CSMD1: variants seen among roughly 807,000 people sequenced by gnomAD.
CSMD1 encodes the protein CUB and Sushi multiple domains 1.
Under a neutral mutation model 417.5 loss-of-function variants are expected in CSMD1, and 213 were observed. That is an observed-to-expected ratio of 0.51 (90% CI 0.46 to 0.57). CSMD1 has a LOEUF of 0.57. Ranked by LOEUF, CSMD1 falls within the 20% of genes least tolerant of loss-of-function variation. CSMD1 has a pLI of 0.00. For missense variants in CSMD1, 6,923 were observed against 4,529.7 expected, an observed-to-expected ratio of 1.53 and a Z score of -15.17; for synonymous variants, 2,862 against 1,736.8, an observed-to-expected ratio of 1.65 and a Z score of -16.11.
intron 11 of CSMD1, among the ~76,000 whole-genome samples, chr8:3,481,512 C>G (rs764527373): frequency 1.3e-5 from 2 of 152,164 alleles, no homozygotes; most frequent in African/African-American, 2.4e-5. Flanking sequence ...TGGCCTCACT[C>G]CTGTCCAATC....
At chr8:4,248,807 G>C (rs1241853158) in intron 3 of CSMD1, among the ~76,000 whole-genome samples, 1 of 151,908 alleles carries the variant, frequency 6.6e-6, no homozygotes, top group Non-Finnish European at 1.5e-5. Flanking sequence ...AAAAATCTTT[G>C]CCTAATTTGG....
At chr8:3,029,024 T>C (rs2128976262) in intron 51 of CSMD1, among the ~76,000 whole-genome samples, 1 of 152,322 alleles carries the variant, frequency 6.6e-6, no homozygotes, top group African/African-American at 2.4e-5. Context: ...GTAAGAGTTA[T>C]CTTTTTACAC....
intron 2 of CSMD1, among the ~76,000 whole-genome samples, chr8:4,424,860 T>A (rs536057958): frequency 6.6e-6 from 1 of 152,226 alleles, no homozygotes; most frequent in East Asian, 1.9e-4. Context: ...ACAGAAACTC[T>A]TTGTATAATT....
At chr8:4,286,726 A>G (rs1245292470) in intron 3 of CSMD1, among the ~76,000 whole-genome samples, 2 of 152,196 alleles carry the variant, frequency 1.3e-5, no homozygotes, top group African/African-American at 2.4e-5. Flanking sequence ...CTCACACGGT[A>G]GACTCCCCAG....
intron 3 of CSMD1, among the ~76,000 whole-genome samples, chr8:4,343,102 G>A (rs1253113279): frequency 6.6e-6 from 1 of 152,042 alleles, no homozygotes; most frequent in Non-Finnish European, 1.5e-5. Context: ...CAAGGGATAT[G>A]GGGTATTTTA....
At chr8:3,591,687 G>C (rs1425112414) in intron 8 of CSMD1, among the ~76,000 whole-genome samples, 1 of 152,148 alleles carries the variant, frequency 6.6e-6, no homozygotes, top group East Asian at 1.9e-4. Context: ...ATAGATGAGA[G>C]ATAGATGATT....
chr8:3,989,030 C>A (rs1371961220), intron 5 of CSMD1, among the ~76,000 whole-genome samples: 1 of 152,144 alleles, frequency 6.6e-6, no homozygotes, highest in Non-Finnish European at 1.5e-5. Flanking sequence ...CATTCTATTT[C>A]AAAAAGTTTT....
intron 54 of CSMD1, among the ~76,000 whole-genome samples, chr8:2,979,582 T>G (rs1805235976): frequency 6.6e-6 from 1 of 152,220 alleles, no homozygotes; most frequent in Non-Finnish European, 1.5e-5. Context: ...TCCAGATATT[T>G]CTGGCTCAGA....
intron 1 of CSMD1, chr8:4,788,346 C>G (rs887828031): frequency 5.3e-6 from 8 of 1,509,890 alleles, no homozygotes; most frequent in Admixed American, 3.7e-5. Context: ...CACTGCATAT[C>G]CAGTTATCAC....
chr8:4,276,461 C>A (rs1198566840), intron 3 of CSMD1, among the ~76,000 whole-genome samples: 1 of 152,086 alleles, frequency 6.6e-6, no homozygotes, highest in Non-Finnish European at 1.5e-5. Context: ...ACATCACACA[C>A]CAGGGCCTGT....
chr8:4,891,599 C>G (rs1280967351), intron 1 of CSMD1, among the ~76,000 whole-genome samples: 1 of 152,066 alleles, frequency 6.6e-6, no homozygotes. Context: ...TAGGAAATGT[C>G]TTAAGCACAT....
chr8:4,359,565 G>A (rs958451334), intron 3 of CSMD1, among the ~76,000 whole-genome samples: 5 of 152,180 alleles, frequency 3.3e-5, no homozygotes, highest in Admixed American at 3.3e-4. Context: ...AGAGCCCTGT[G>A]TTCCTTGGAG....
chr8:4,388,105 C>G (rs1803582038), intron 3 of CSMD1, among the ~76,000 whole-genome samples: 1 of 152,172 alleles, frequency 6.6e-6, no homozygotes, highest in African/African-American at 2.4e-5. Context: ...AAAGATACAG[C>G]TGTCTCTGCC....
chr8:4,158,415 T>A (rs1305882576), intron 3 of CSMD1, among the ~76,000 whole-genome samples: 2 of 151,866 alleles, frequency 1.3e-5, no homozygotes, highest in Non-Finnish European at 2.9e-5. Context: ...TGCAAAAGGA[T>A]ATTGCAAACA....
Position 3,238,078 on chromosome 8 carries a change from G to C in CSMD1, c.4154-7847C>G, listed in dbSNP as rs953154863. On this transcript the variant is annotated intron_variant, in intron 26 of 69. Coordinates refer to ENST00000635120, the MANE Select transcript of CSMD1 (RefSeq NM_033225.6). ...TTTCACCTGGGTGCAGACGGGCTGAGTCCGAAAAGAGAGTCACCGAAGGGA... is the reference window on the plus strand; with the variant it reads ...TTTCACCTGGGTGCAGACGGGCTGACTCCGAAAAGAGAGTCACCGAAGGGA... Among the ~76,000 whole-genome samples the C allele has an allele frequency of 3.9e-5, 6 of 151,910 alleles. No homozygotes were observed. The South Asian group carries it at 6.2e-4, about 16-fold the overall frequency.
intron 5 of CSMD1, among the ~76,000 whole-genome samples, chr8:3,980,883 T>G (rs1277824724): frequency 3.9e-5 from 6 of 152,214 alleles, no homozygotes; most frequent in Non-Finnish European, 7.3e-5. Context: ...AGGTGGAGAC[T>G]GTTTTTATTT....
intron 17 of CSMD1, among the ~76,000 whole-genome samples, chr8:3,388,210 T>C (rs1227578498): frequency 6.6e-6 from 1 of 152,194 alleles, no homozygotes; most frequent in South Asian, 2.1e-4. Flanking sequence ...ATTCCATAAA[T>C]CCATGCTATT....
intron 2 of CSMD1, among the ~76,000 whole-genome samples, chr8:4,627,877 C>A (rs941660947): frequency 6.6e-6 from 1 of 152,080 alleles, no homozygotes; most frequent in African/African-American, 2.4e-5. Flanking sequence ...ATTTCTGATA[C>A]TGTATGGCAG....
intron 33 of CSMD1, among the ~76,000 whole-genome samples, chr8:3,195,308 C>T (rs1320215716): frequency 1.3e-5 from 2 of 152,080 alleles, no homozygotes; most frequent in South Asian, 2.1e-4. Flanking sequence ...ACAGGAGCCT[C>T]GGAGCAGGCA....
Sources: gnomAD v4.1 joint callset for allele counts (sites outside exome capture counted in the v4.1 genomes callset) on GRCh38, gnomAD v4.1.1 for gene constraint, MANE v1.5 for transcripts, NCBI Gene and HGNC (gene_info 2026-07-23, HGNC 2026-07-21) for gene names.